The following DENND1A variants were observed in gnomAD, a reference collection of about 807,000 sequenced individuals.
DENND1A encodes DENN domain containing 1A.
In DENND1A, 51 loss-of-function variants were observed where a neutral mutation model predicts 113.7. The observed-to-expected ratio is 0.45, with a 90% CI of 0.36 to 0.57. DENND1A has a LOEUF of 0.57. Ranked by LOEUF, DENND1A falls within the 20% of genes least tolerant of loss-of-function variation. The probability of loss-of-function intolerance (pLI) is 0.00; values close to 1 mark genes in which losing one functional copy is unlikely to be tolerated. For missense variants in DENND1A, 1,258 were observed against 1,395.9 expected, an observed-to-expected ratio of 0.90 and a Z score of 1.57; for synonymous variants, 565 against 570.8, an observed-to-expected ratio of 0.99 and a Z score of 0.14.
intron 21 of DENND1A, chr9:123,401,520 T>G: frequency 7.7e-7 from 1 of 1,290,450 alleles, no homozygotes; most frequent in East Asian, 3.4e-5. Context: ...CGAGCCACTG[T>G]GACGTACGCT....
chr9:123,629,931 C>T (rs2061402175), intron 10 of DENND1A, among the ~76,000 whole-genome samples: 1 of 152,168 alleles, frequency 6.6e-6, no homozygotes, highest in Non-Finnish European at 1.5e-5. Flanking sequence ...TGAAAAGTTA[C>T]TACCTATTCT....
intron 5 of DENND1A, among the ~76,000 whole-genome samples, chr9:123,702,463 C>T (rs2065937560): frequency 6.6e-6 from 1 of 151,984 alleles, no homozygotes; most frequent in Non-Finnish European, 1.5e-5. Flanking sequence ...AGGTCAAAAG[C>T]CTCCAATCAG....
In DENND1A at chr9:123,764,071, C is replaced by T. The variant is rs1194438004; in HGVS notation, c.182+5443G>A. Among the ~76,000 whole-genome samples, 1 of 152,142 alleles carries T rather than the reference C, an allele frequency of 6.6e-6. No individual in the cohort carries two copies. The highest frequency in any genetic ancestry group is 1.5e-5 in the Non-Finnish European group (1 of 68,028). Reference sequence around the variant, plus strand: ...AGAAAACATTAAGGCCTGGACCTTACATCAGAATCCCAGACATGTTACTCA... The same window carrying T: ...AGAAAACATTAAGGCCTGGACCTTATATCAGAATCCCAGACATGTTACTCA... On this transcript the variant is annotated intron_variant, in intron 4 of 23. Coordinates refer to ENST00000394215, the MANE Select transcript of DENND1A (RefSeq NM_001352964.2). The surrounding 1 kb of genome is among the most constrained non-coding windows in gnomAD (Gnocchi z 4.1).
chr9:123,606,513 C>G (rs149206767), intron 11 of DENND1A, among the ~76,000 whole-genome samples: 5 of 152,168 alleles, frequency 3.3e-5, no homozygotes, highest in African/African-American at 1.2e-4. Flanking sequence ...GCAAAATGTA[C>G]GCATATTTTA....
At chr9:123,491,097 TG>T (rs1209879578) in intron 13 of DENND1A, among the ~76,000 whole-genome samples, 12 of 152,328 alleles carry the variant, frequency 7.9e-5, no homozygotes, top group Admixed American at 7.8e-4. Context: ...CTAGCACTAG[TG>T]GGGAAATCAC....
At chr9:123,855,272 T>C (rs1843989355) in intron 2 of DENND1A, among the ~76,000 whole-genome samples, 1 of 150,868 alleles carries the variant, frequency 6.6e-6, no homozygotes, top group Non-Finnish European at 1.5e-5. Context: ...TATAATACGA[T>C]ATGCAGGGTG....
intron 5 of DENND1A, among the ~76,000 whole-genome samples, chr9:123,725,590 ACTGCAGGCAGGCTTTGCTTAG>A (rs1277373998): frequency 1.3e-5 from 2 of 152,240 alleles, no homozygotes; most frequent in Non-Finnish European, 2.9e-5. Context: ...CACGAGCAGA[ACTGCAGGCAGGCTTTGCTTAG>A]CTGCAAGCAA....
chr9:123,430,779 T>C (rs1440743110), intron 19 of DENND1A, among the ~76,000 whole-genome samples: 1 of 152,144 alleles, frequency 6.6e-6, no homozygotes, highest in Non-Finnish European at 1.5e-5. Context: ...ATGGCACATG[T>C]TTACCTATGT....
At chr9:123,429,145 C>T (rs1357721747) in intron 19 of DENND1A, among the ~76,000 whole-genome samples, 1 of 152,212 alleles carries the variant, frequency 6.6e-6, no homozygotes. Context: ...AACTATACTA[C>T]AAGGCTACAG....
intron 5 of DENND1A, among the ~76,000 whole-genome samples, chr9:123,722,355 A>G (rs2067400762): frequency 1.3e-5 from 2 of 152,238 alleles, no homozygotes; most frequent in Non-Finnish European, 2.9e-5. Context: ...CAGCCTGACA[A>G]TACAATAGAA....
chr9:123,461,403 A>G (rs2048513658), intron 13 of DENND1A, among the ~76,000 whole-genome samples: 1 of 152,234 alleles, frequency 6.6e-6, no homozygotes, highest in African/African-American at 2.4e-5. Flanking sequence ...CCCTGCTTCC[A>G]GCCACAGGAG....
chr9:123,566,187 T>A (rs1457224049), intron 12 of DENND1A, among the ~76,000 whole-genome samples: 1 of 152,246 alleles, frequency 6.6e-6, no homozygotes, highest in Admixed American at 6.5e-5. Flanking sequence ...AAATTAGATA[T>A]GTCCATGATA....
chr9:123,847,796 G>A lies in DENND1A; in HGVS notation c.88+31155C>T, dbSNP rs145055715. Among the ~76,000 whole-genome samples the A allele has an allele frequency of 3.8e-4, 58 of 152,240 alleles. No homozygotes were observed. In the South Asian group the frequency reaches 9.3e-3, roughly 24 times the overall value. On this transcript the variant is annotated intron_variant, in intron 2 of 23. Coordinates refer to ENST00000394215, the MANE Select transcript of DENND1A (RefSeq NM_001352964.2). ...CCGAAAATACAGAAATTAGCTGGGCGTGGTGGCATGCACCTGTAATCCCAG... is the reference window on the plus strand; with the variant it reads ...CCGAAAATACAGAAATTAGCTGGGCATGGTGGCATGCACCTGTAATCCCAG...
intron 2 of DENND1A, among the ~76,000 whole-genome samples, chr9:123,813,428 G>T (rs1836960396): frequency 6.7e-6 from 1 of 150,184 alleles, no homozygotes; most frequent in African/African-American, 2.4e-5. Flanking sequence ...CAAAGGACCA[G>T]TAAATTCTCT....
chr9:123,508,245 A>G lies in DENND1A; in HGVS notation c.993+49325T>C, dbSNP rs1230984433. Among the ~76,000 whole-genome samples the G allele has an allele frequency of 2.0e-5, 3 of 152,264 alleles. No homozygotes were observed. The East Asian group carries it at 5.8e-4, about 29-fold the overall frequency. ...TTTTTAACTTTCGTTTTTGGTGATG[A>G]CAACGGGATCATATTGTCCGGACCT... On this transcript the variant is annotated intron_variant, in intron 13 of 23. Transcript: ENST00000394215.
chr9:123,384,249 G>C (rs1322257925), intron 22 of DENND1A, among the ~76,000 whole-genome samples: 4 of 152,218 alleles, frequency 2.6e-5, no homozygotes, highest in Non-Finnish European at 5.9e-5. Context: ...GAACAGACAG[G>C]ACTGGAAGGG....
intron 20 of DENND1A, among the ~76,000 whole-genome samples, chr9:123,408,187 C>T (rs1011176283): frequency 1.3e-5 from 2 of 152,214 alleles, no homozygotes; most frequent in African/African-American, 4.8e-5. Context: ...ACACTGGAGG[C>T]TGATGGCTCC....
At chr9:123,520,970 CT>C (rs1395027882) in intron 13 of DENND1A, among the ~76,000 whole-genome samples, 1 of 152,184 alleles carries the variant, frequency 6.6e-6, no homozygotes. Context: ...CACCTTTTTA[CT>C]GTACAAACTA....
intron 15 of DENND1A, among the ~76,000 whole-genome samples, chr9:123,455,389 C>T (rs556040779): frequency 6.6e-6 from 1 of 152,370 alleles, no homozygotes; most frequent in Non-Finnish European, 1.5e-5. Context: ...TATGTCCCAC[C>T]ACGGGGAACT....
Sources: allele counts gnomAD v4.1 joint callset (sites outside exome capture counted in the v4.1 genomes callset), GRCh38; gene constraint gnomAD v4.1.1; non-coding constraint Gnocchi (gnomAD v3.1); transcripts MANE v1.5; gene names NCBI Gene and HGNC (gene_info 2026-07-23, HGNC 2026-07-21).